Variants in YWHAZ observed in about 807,000 individuals in gnomAD.
YWHAZ encodes the protein 14-3-3 protein zeta/delta.
For missense variants in YWHAZ, 79 were observed against 284.8 expected, an observed-to-expected ratio of 0.28 and a Z score of 5.20; for synonymous variants, 87 against 103.6, an observed-to-expected ratio of 0.84 and a Z score of 0.97.
intron 1 of YWHAZ, 123 bp from the exon 2 acceptor site, chr8:100,949,023 CAT>C: frequency 8.6e-7 from 1 of 1,161,226 alleles, no homozygotes; most frequent in South Asian, 1.6e-5. Context: ...AGACTGTTCA[CAT>C]GAGGAATTAA....
intron 2 of YWHAZ, chr8:100,934,803 T>C (rs953655288): frequency 2.0e-5 from 3 of 152,186 alleles, no homozygotes; most frequent in Admixed American, 6.5e-5. Flanking sequence ...AAGGACAGAA[T>C]TGTTTACTTT....
In YWHAZ at chr8:100,948,914, A is replaced by C; in HGVS notation, c.-11-14T>G. The C allele has an allele frequency of 6.4e-7, 1 of 1,552,898 alleles. No homozygotes were observed. Among genetic ancestry groups the C allele is most frequent in the South Asian group, 1.2e-5 (1 of 84,790 alleles). ...TGACTGGATGTTCTGCAGGGGGGAA[A>C]AAAGGAGTATTTAAAATTTTTCCCA... On this transcript the variant is annotated splice_polypyrimidine_tract_variant and intron_variant, in intron 1 of 5. Coordinates refer to ENST00000395958, the MANE Select transcript of YWHAZ (RefSeq NM_145690.3). This position sits in a 1 kb window ranked among gnomAD's most constrained non-coding sequence, Gnocchi z 4.2.
At chr8:100,950,504 G>A in intron 1 of YWHAZ, 1 of 985,524 alleles carries the variant, frequency 1.0e-6, no homozygotes, top group African/African-American at 1.7e-5. Context: ...CCCCCTCCAG[G>A]CTCCGCCCAA....
At position 100,919,206 on chromosome 8, in the gene YWHAZ, A is replaced by G. The variant is rs11551356; in HGVS notation, c.*1487T>C. The G allele has an allele frequency of 0.046, 6,984 of 152,620 alleles. 171 individuals carry two copies. Among genetic ancestry groups the G allele is most frequent in the Non-Finnish European group, 0.057 (3,911 of 68,026 alleles). 9.5% of individuals were successfully genotyped at this position (152,620 alleles called of 1,614,324 possible). Reference sequence around the variant, plus strand: ...TGGTTGGTGACAAGACAGAAGGCTAAAACAGGAAGGTAATCTTGTGCACCT... The same window carrying G: ...TGGTTGGTGACAAGACAGAAGGCTAGAACAGGAAGGTAATCTTGTGCACCT... On this transcript the variant is annotated 3_prime_UTR_variant, in exon 6 of 6. Transcript: ENST00000395958.
At chr8:100,927,334 C>T (rs1330024621) in intron 2 of YWHAZ, among the ~76,000 whole-genome samples, 3 of 151,952 alleles carry the variant, frequency 2.0e-5, no homozygotes, top group African/African-American at 4.8e-5. Flanking sequence ...GAGACCACCC[C>T]GGTGAACATG....
chr8:100,941,708 C>T (rs1476715530), intron 2 of YWHAZ, among the ~76,000 whole-genome samples: 1 of 151,994 alleles, frequency 6.6e-6, no homozygotes, highest in East Asian at 1.9e-4. Context: ...TCGCTTGAAC[C>T]CGGAAGGTGG....
rs549373818 is a variant in YWHAZ at position 100,922,848 on chromosome 8, A to G, written c.678+1107T>C. On this transcript the variant is annotated intron_variant, in intron 5 of 5. Coordinates refer to ENST00000395958, the MANE Select transcript of YWHAZ (RefSeq NM_145690.3). This position sits in a 1 kb window ranked among gnomAD's most constrained non-coding sequence, Gnocchi z 4.1. The stretch of plus-strand genomic sequence containing the variant: ...AAAAATGTCATCACTTCAAACTAGA[A>G]AAGAAAAATCCTTAATACTAAAGTT... 6.6e-6 allele frequency: 1 copy of G among 152,330 alleles called. No homozygotes were observed. Among genetic ancestry groups the G allele is most frequent in the East Asian group, 1.9e-4 (1 of 5,186 alleles). The allele number at this position is 152,330 out of a possible 1,614,324, so 9.4% of individuals were successfully genotyped here. A position where few individuals can be genotyped will look rare whatever the true frequency, so the allele number is the denominator to read the frequency against.
At chr8:100,950,367 C>T (rs1002945916) in intron 1 of YWHAZ, 33 of 985,384 alleles carry the variant, frequency 3.3e-5, no homozygotes, top group Non-Finnish European at 4.0e-5. Flanking sequence ...CTCGCCTCTA[C>T]ACTGCGGGCA....
At chr8:100,939,827 C>T (rs1037149716) in intron 2 of YWHAZ, among the ~76,000 whole-genome samples, 3 of 152,110 alleles carry the variant, frequency 2.0e-5, no homozygotes. Context: ...CGAGACCAAC[C>T]TGGCTAACCT....
In YWHAZ at chr8:100,947,715, A is replaced by G. The variant is rs531403518; in HGVS notation, c.294+881T>C. 3.9e-5 allele frequency among the ~76,000 whole-genome samples: 6 copies of G among 152,356 alleles called. No individual in the cohort carries two copies. In the East Asian group the frequency reaches 1.2e-3, roughly 29 times the overall value. On this transcript the variant is annotated intron_variant, in intron 2 of 5. Coordinates refer to ENST00000395958, the MANE Select transcript of YWHAZ (RefSeq NM_145690.3). ...TAGTAAGTAACAAACCTGGATTTCCATACTGAGTTCCAGATTCAGTAATCT... is the reference window on the plus strand; with the variant it reads ...TAGTAAGTAACAAACCTGGATTTCCGTACTGAGTTCCAGATTCAGTAATCT...
At chr8:100,939,165 A>G (rs773332721) in intron 2 of YWHAZ, among the ~76,000 whole-genome samples, 27 of 152,192 alleles carry the variant, frequency 1.8e-4, no homozygotes, top group Non-Finnish European at 3.7e-4. Flanking sequence ...TATTTACCCC[A>G]AAACAAAAGA....
At chr8:100,934,936 G>A (rs1814036263) in intron 2 of YWHAZ, 2 of 151,556 alleles carry the variant, frequency 1.3e-5, no homozygotes, top group African/African-American at 4.9e-5. Flanking sequence ...AAATTCTTAG[G>A]AGCAAGTACA....
chr8:100,951,504 G>A (rs895790588), intron 1 of YWHAZ: 4 of 985,922 alleles, frequency 4.1e-6, no homozygotes, highest in Non-Finnish European at 4.8e-6. Context: ...CATTATCTCG[G>A]GCGGAAGCGA....
chr8:100,942,745 G>A (rs1809966112), intron 2 of YWHAZ, among the ~76,000 whole-genome samples: 2 of 152,152 alleles, frequency 1.3e-5, no homozygotes, highest in African/African-American at 4.8e-5. Context: ...CCTCTTGCAG[G>A]GAATTCTGGC....
chr8:100,941,839 C>T (rs10103987), intron 2 of YWHAZ, among the ~76,000 whole-genome samples: 16,350 of 151,118 alleles, frequency 0.11, 1,877 homozygotes, highest in African/African-American at 0.29. Context: ...CTCTAACTTC[C>T]CAACTCATTA....
intron 2 of YWHAZ, among the ~76,000 whole-genome samples, chr8:100,941,821 A>C (rs1435389465): frequency 2.4e-5 from 3 of 125,622 alleles, no homozygotes; most frequent in Non-Finnish European, 5.5e-5. Flanking sequence ...AAAAAAAAAA[A>C]AAAACATCTC....
At chr8:100,947,834 A>T (rs1241639376) in intron 2 of YWHAZ, among the ~76,000 whole-genome samples, 1 of 152,222 alleles carries the variant, frequency 6.6e-6, no homozygotes, top group Admixed American at 6.5e-5. Flanking sequence ...TTTAAATATT[A>T]TTCCAAAAAC....
chr8:100,952,023 T>C (rs1383083511), upstream of YWHAZ: 4 of 994,564 alleles, frequency 4.0e-6, no homozygotes, highest in Non-Finnish European at 4.8e-6. Context: ...ACTCTGTCCC[T>C]GGATCTCGCT....
chr8:100,918,535 T>C lies in YWHAZ; in HGVS notation c.*2158A>G, dbSNP rs1812818598. The C allele has an allele frequency of 6.7e-6, 1 of 149,258 alleles. No homozygotes were observed. The highest frequency in any genetic ancestry group is 1.5e-5 in the Non-Finnish European group (1 of 67,474). The allele number at this position is 149,258 out of a possible 1,614,324, so 9.2% of individuals were successfully genotyped here. ...GAGGGAAAAGGATTGTTGCCCTAGATGCAGAAGGTATCTTTTCTCCTGGAA... is the reference window on the plus strand; with the variant it reads ...GAGGGAAAAGGATTGTTGCCCTAGACGCAGAAGGTATCTTTTCTCCTGGAA... On this transcript the variant is annotated 3_prime_UTR_variant, in exon 6 of 6. Coordinates refer to ENST00000395958, the MANE Select transcript of YWHAZ (RefSeq NM_145690.3).
Sources: allele counts gnomAD v4.1 joint callset (sites outside exome capture counted in the v4.1 genomes callset), GRCh38; gene constraint gnomAD v4.1.1; non-coding constraint Gnocchi (gnomAD v3.1); transcripts MANE v1.5; gene names NCBI Gene and HGNC (gene_info 2026-07-23, HGNC 2026-07-21).